ROBO1: variants seen among roughly 807,000 people sequenced by gnomAD.
ROBO1 encodes the protein roundabout homolog 1.
In ROBO1, 149 loss-of-function variants were observed where a neutral mutation model predicts 195.9. The observed-to-expected ratio is 0.76, with a 90% CI of 0.67 to 0.87. The LOEUF (loss-of-function observed/expected upper bound fraction) is 0.87. Among genes scored for constraint, ROBO1 ranks in the 40% least tolerant of loss-of-function variants. ROBO1 has a pLI of 0.00. For synonymous variants in ROBO1, 816 were observed against 733.2 expected (o/e 1.11, Z -1.82); for missense variants, 1,933 against 2,068.3 (o/e 0.93, Z 1.27).
At chr3:79,273,244 C>T (rs2030730992) in intron 2 of ROBO1, among the ~76,000 whole-genome samples, 1 of 151,960 alleles carries the variant, frequency 6.6e-6, no homozygotes, top group Non-Finnish European at 1.5e-5. Flanking sequence ...GTGTAAAATA[C>T]TGATATCTTC....
intron 4 of ROBO1, among the ~76,000 whole-genome samples, chr3:78,798,694 A>G (rs983799476): frequency 3.1e-4 from 47 of 152,230 alleles, no homozygotes; most frequent in African/African-American, 1.1e-3. Context: ...CTAGGCAAAC[A>G]TATAGGAACA....
At chr3:79,057,959 G>A (rs2078843711) in intron 3 of ROBO1, among the ~76,000 whole-genome samples, 1 of 151,966 alleles carries the variant, frequency 6.6e-6, no homozygotes, top group South Asian at 2.1e-4. Context: ...CATGCACCTG[G>A]TTGTATCCAT....
At chr3:79,044,251 C>A (rs1229089169) in intron 3 of ROBO1, among the ~76,000 whole-genome samples, 1 of 152,056 alleles carries the variant, frequency 6.6e-6, no homozygotes, top group South Asian at 2.1e-4. Flanking sequence ...GGTGGACAAG[C>A]TCAGTGTAGA....
intron 29 of ROBO1, among the ~76,000 whole-genome samples, chr3:78,601,474 C>T (rs1362046184): frequency 6.6e-6 from 1 of 152,210 alleles, no homozygotes; most frequent in Non-Finnish European, 1.5e-5. Flanking sequence ...ATGAGGATGA[C>T]TGTTTCTGCA....
chr3:78,721,458 T>G (rs2082043014), intron 5 of ROBO1, among the ~76,000 whole-genome samples: 1 of 152,196 alleles, frequency 6.6e-6, no homozygotes, highest in African/African-American at 2.4e-5. Context: ...ACGCCGAGCC[T>G]CTTCTTATGC....
At chr3:79,357,663 C>T (rs1248683576) in intron 2 of ROBO1, among the ~76,000 whole-genome samples, 1 of 151,986 alleles carries the variant, frequency 6.6e-6, no homozygotes, top group Non-Finnish European at 1.5e-5. Flanking sequence ...AATGAATTTC[C>T]CTGAGGACAA....
At chr3:79,000,195 T>C (rs1296399188) in intron 3 of ROBO1, among the ~76,000 whole-genome samples, 1 of 152,102 alleles carries the variant, frequency 6.6e-6, no homozygotes, top group Non-Finnish European at 1.5e-5. Context: ...ATCCTTCACA[T>C]GGCAGCAGCA....
intron 4 of ROBO1, among the ~76,000 whole-genome samples, chr3:78,822,254 G>A (rs543544102): frequency 2.6e-5 from 4 of 152,130 alleles, no homozygotes; most frequent in Non-Finnish European, 5.9e-5. Context: ...ATGTAGAGAA[G>A]CGGTGAAAAC....
intron 1 of ROBO1, among the ~76,000 whole-genome samples, chr3:79,763,883 A>C (rs74613948): frequency 4.6e-5 from 7 of 152,362 alleles, no homozygotes; most frequent in African/African-American, 1.7e-4. Flanking sequence ...ATAAAATTCA[A>C]GGAATAATCA....
chr3:79,367,303 A>G (rs999640041), intron 2 of ROBO1, among the ~76,000 whole-genome samples: 10 of 152,166 alleles, frequency 6.6e-5, no homozygotes, highest in Middle Eastern at 3.2e-3. Flanking sequence ...CCAGCTTTCA[A>G]GTGACCACTG....
intron 2 of ROBO1, among the ~76,000 whole-genome samples, chr3:79,472,984 G>A (rs1388217207): frequency 2.0e-5 from 3 of 152,118 alleles, no homozygotes; most frequent in African/African-American, 4.8e-5. Flanking sequence ...GTGGATGTGG[G>A]AGAGTGTTCA....
chr3:79,008,385 T>C (rs896449851), intron 3 of ROBO1, among the ~76,000 whole-genome samples: 1 of 152,146 alleles, frequency 6.6e-6, no homozygotes, highest in Non-Finnish European at 1.5e-5. Context: ...TCACAATTGA[T>C]AGTAGTTTAC....
intron 2 of ROBO1, among the ~76,000 whole-genome samples, chr3:79,510,556 T>G (rs965334938): frequency 1.6e-4 from 25 of 151,804 alleles, no homozygotes; most frequent in African/African-American, 6.0e-4. Context: ...TTTCTTCTTT[T>G]TTTTTTTTTT....
intron 3 of ROBO1, among the ~76,000 whole-genome samples, chr3:79,038,903 T>G (rs1214856804): frequency 6.6e-6 from 1 of 152,124 alleles, no homozygotes; most frequent in Non-Finnish European, 1.5e-5. Context: ...CAGAAAAGGC[T>G]GTATTCTCTA....
intron 2 of ROBO1, among the ~76,000 whole-genome samples, chr3:79,336,887 C>T (rs957436674): frequency 2.0e-5 from 3 of 152,142 alleles, no homozygotes; most frequent in African/African-American, 7.2e-5. Flanking sequence ...TCAGTATGAC[C>T]GGAATGTGAG....
Position 79,201,710 on chromosome 3 carries a change from C to T in ROBO1, c.89-76171G>A, listed in dbSNP as rs2081767517. Among the ~76,000 whole-genome samples the T allele has an allele frequency of 2.6e-5, 4 of 151,880 alleles. No homozygotes were observed. The South Asian group carries it at 8.3e-4, about 32-fold the overall frequency. On this transcript the variant is annotated intron_variant, in intron 2 of 30. Coordinates refer to ENST00000464233, the MANE Select transcript of ROBO1 (RefSeq NM_002941.4). Reference sequence around the variant, plus strand: ...TAAATCTAGTCCTCATCTTCCTCAACTGAAAAATCAAAATAACCTTTTACA... The same window carrying T: ...TAAATCTAGTCCTCATCTTCCTCAATTGAAAAATCAAAATAACCTTTTACA...
At chr3:79,449,904 T>C (rs1411060890) in intron 2 of ROBO1, among the ~76,000 whole-genome samples, 2 of 152,112 alleles carry the variant, frequency 1.3e-5, no homozygotes, top group Middle Eastern at 3.2e-3. Flanking sequence ...ATAATTATCA[T>C]CCTTATTGTA....
chr3:79,356,106 C>T (rs891578295), intron 2 of ROBO1, among the ~76,000 whole-genome samples: 4 of 152,032 alleles, frequency 2.6e-5, no homozygotes, highest in African/African-American at 9.7e-5. Flanking sequence ...TTTGGGAGGC[C>T]GAGGCAGGCA....
chr3:79,222,361 A>G (rs1457803618), intron 2 of ROBO1, among the ~76,000 whole-genome samples: 2 of 152,010 alleles, frequency 1.3e-5, no homozygotes, highest in Admixed American at 1.3e-4. Flanking sequence ...TATATTTCTT[A>G]TATTTTTGCC....
Sources: allele counts gnomAD v4.1 joint callset (sites outside exome capture counted in the v4.1 genomes callset), GRCh38; gene constraint gnomAD v4.1.1; transcripts MANE v1.5; gene names NCBI Gene and HGNC (gene_info 2026-07-23, HGNC 2026-07-21).